Variants in TENM4 observed in about 807,000 individuals in gnomAD.
TENM4 encodes teneurin transmembrane protein 4.
Under a neutral mutation model 243.3 loss-of-function variants are expected in TENM4, and 82 were observed. The ratio of observed to expected loss-of-function variants is 0.34; its 90% CI spans 0.28 to 0.40. The LOEUF (loss-of-function observed/expected upper bound fraction) is 0.40, where lower values mean the gene tolerates loss of function less well. TENM4 is among the 10% of genes least tolerant of loss of function. The pLI, the probability that TENM4 is intolerant of heterozygous loss-of-function variation, is 1.00. For missense variants in TENM4, 3,138 were observed against 3,673.3 expected (o/e 0.85, Z 3.77); for synonymous variants, 1,412 against 1,456.3 (o/e 0.97, Z 0.69).
chr11:79,069,906 G>A lies in TENM4; in HGVS notation c.39C>T (p.Thr13=), dbSNP rs1457243265. ...AGCGGCGCTCGGCGTCGCGGCGCCG[G>A]GTCAGCGAGCGGTAAGGCTTCCTCT... ...VKERKPYRSL[T]RRRDAERRYT... Residue 13 remains threonine, a synonymous_variant, in exon 5 of 34, where the codon ACC becomes ACT. Transcript: ENST00000278550. The A allele has an allele frequency of 1.9e-6, 3 of 1,547,760 alleles. No individual in the cohort carries two copies. Among genetic ancestry groups the A allele is most frequent in the East Asian group, 2.4e-5 (1 of 40,902 alleles).
chr11:79,272,712 C>A (rs1855990582), intron 2 of TENM4, among the ~76,000 whole-genome samples: 1 of 152,098 alleles, frequency 6.6e-6, no homozygotes, highest in Admixed American at 6.5e-5. Context: ...CCACCCCAAA[C>A]CCACTTTGCT....
chr11:78,989,047 A>G (rs754701389), intron 6 of TENM4, among the ~76,000 whole-genome samples: 1 of 152,214 alleles, frequency 6.6e-6, no homozygotes, highest in Non-Finnish European at 1.5e-5. Context: ...GCCACTGCAC[A>G]CTTTAGCTGG....
At chr11:79,329,613 T>G (rs1346467552) in intron 1 of TENM4, among the ~76,000 whole-genome samples, 1 of 152,116 alleles carries the variant, frequency 6.6e-6, no homozygotes. Flanking sequence ...TCGAGATAAC[T>G]AGAAGAAGCC....
intron 6 of TENM4, among the ~76,000 whole-genome samples, chr11:78,927,933 C>A (rs1207587822): frequency 6.6e-6 from 1 of 152,050 alleles, no homozygotes; most frequent in Non-Finnish European, 1.5e-5. Flanking sequence ...TCAAACTTCC[C>A]GACAGCCCAA....
At chr11:79,196,234 C>T (rs1192266696) in intron 3 of TENM4, among the ~76,000 whole-genome samples, 1 of 152,052 alleles carries the variant, frequency 6.6e-6, no homozygotes, top group Non-Finnish European at 1.5e-5. Flanking sequence ...ATCTCGCAAG[C>T]CTGGACTGAG....
At chr11:78,685,023 C>A (rs951126498) in intron 29 of TENM4, among the ~76,000 whole-genome samples, 4 of 140,152 alleles carry the variant, frequency 2.9e-5, no homozygotes, top group Non-Finnish European at 4.6e-5. Flanking sequence ...TCAAACAGGC[C>A]CCCCCCACTC....
chr11:79,372,954 A>G (rs939186229), intron 1 of TENM4, among the ~76,000 whole-genome samples: 4 of 152,202 alleles, frequency 2.6e-5, no homozygotes, highest in African/African-American at 9.7e-5. Flanking sequence ...TGCAGCCAAT[A>G]AAGTGTATTA....
At chr11:79,292,430 G>T (rs776519764) in intron 2 of TENM4, among the ~76,000 whole-genome samples, 1 of 152,216 alleles carries the variant, frequency 6.6e-6, no homozygotes, top group Non-Finnish European at 1.5e-5. Flanking sequence ...AATTGGGTTT[G>T]TTCCCCAGGA....
intron 2 of TENM4, among the ~76,000 whole-genome samples, chr11:79,249,261 A>C (rs1855570217): frequency 6.6e-6 from 1 of 152,212 alleles, no homozygotes; most frequent in South Asian, 2.1e-4. Context: ...GCAGGTGAGG[A>C]AACTGAGGCA....
chr11:78,788,911 T>G (rs1025019935), intron 15 of TENM4, among the ~76,000 whole-genome samples: 1 of 152,176 alleles, frequency 6.6e-6, no homozygotes, highest in African/African-American at 2.4e-5. Context: ...TGTTAGACAG[T>G]GTAATCTACC....
At chr11:79,371,587 T>G (rs745375242) in intron 1 of TENM4, among the ~76,000 whole-genome samples, 2 of 152,156 alleles carry the variant, frequency 1.3e-5, no homozygotes, top group Non-Finnish European at 2.9e-5. Context: ...CCTGAAGAGT[T>G]TGCCCTTCAC....
intron 10 of TENM4, among the ~76,000 whole-genome samples, chr11:78,861,366 G>A (rs1221722645): frequency 6.6e-6 from 1 of 152,204 alleles, no homozygotes; most frequent in South Asian, 2.1e-4. Flanking sequence ...GTGTTCAAGG[G>A]ATTTGCTTAA....
chr11:79,140,102 C>T (rs984500841), intron 4 of TENM4, among the ~76,000 whole-genome samples: 2 of 151,742 alleles, frequency 1.3e-5, no homozygotes, highest in African/African-American at 2.4e-5. Flanking sequence ...TCTTCTGGAT[C>T]GTCTCCCATC....
At chr11:78,893,775 T>TCACACACACA (rs1223569491) in intron 7 of TENM4, among the ~76,000 whole-genome samples, 1 of 23,744 alleles carries the variant, frequency 4.2e-5, no homozygotes, top group Non-Finnish European at 9.1e-5. Flanking sequence ...TTTCAGGACT[T>TCACACACACA]CACATACACA....
At chr11:79,207,598 C>A (rs1326406463) in intron 3 of TENM4, among the ~76,000 whole-genome samples, 1 of 152,052 alleles carries the variant, frequency 6.6e-6, no homozygotes, top group Non-Finnish European at 1.5e-5. Context: ...GGTGTGGTGG[C>A]TCACACCTGT....
At chr11:79,130,291 A>C (rs10793367) in intron 4 of TENM4, among the ~76,000 whole-genome samples, 141,452 of 151,878 alleles carry the variant, frequency 0.93, 66,526 homozygotes, top group Middle Eastern at 1. Context: ...TGAGAAGAAA[A>C]CAGAAAACCA....
At chr11:78,998,053 G>A (rs1858221739) in intron 6 of TENM4, among the ~76,000 whole-genome samples, 1 of 152,172 alleles carries the variant, frequency 6.6e-6, no homozygotes, top group Admixed American at 6.5e-5. Flanking sequence ...CTGGCACCTT[G>A]ATCTTGGACT....
At chr11:78,709,612 G>C (rs956228422) in intron 26 of TENM4, among the ~76,000 whole-genome samples, 5 of 152,186 alleles carry the variant, frequency 3.3e-5, no homozygotes, top group Non-Finnish European at 4.4e-5. Flanking sequence ...TTGCTAAACT[G>C]CACCCCCCAG....
At chr11:79,008,313 G>A (rs1858544482) in intron 6 of TENM4, among the ~76,000 whole-genome samples, 1 of 152,200 alleles carries the variant, frequency 6.6e-6, no homozygotes, top group Admixed American at 6.5e-5. Flanking sequence ...GGTCCCTGGT[G>A]ATTGCAAAGA....
Sources: gnomAD v4.1 joint callset for allele counts (sites outside exome capture counted in the v4.1 genomes callset) on GRCh38, gnomAD v4.1.1 for gene constraint, MANE v1.5 for transcripts, NCBI Gene and HGNC (gene_info 2026-07-23, HGNC 2026-07-21) for gene names.